The following MYO1B variants were observed in gnomAD, a reference collection of about 807,000 sequenced individuals.
MYO1B encodes unconventional myosin-Ib.
MYO1B carries 72 observed loss-of-function variants against 159.7 expected under a neutral mutation model. The ratio of observed to expected loss-of-function variants is 0.45; its 90% CI spans 0.37 to 0.55. The LOEUF is 0.55. MYO1B is among the 20% of genes least tolerant of loss of function. MYO1B has a pLI of 0.00. For synonymous variants in MYO1B, 468 were observed against 473.8 expected (o/e 0.99, Z 0.16); for missense variants, 1,062 against 1,364.8 (o/e 0.78, Z 3.50).
At chr2:191,260,254 C>CTTGTTTTTTTTTTTTTTTTTTTTTTT (rs1686718325) in intron 1 of MYO1B, among the ~76,000 whole-genome samples, 1 of 60,962 alleles carries the variant, frequency 1.6e-5, no homozygotes, top group Non-Finnish European at 4.0e-5. Context: ...CCCAGATAGG[C>CTTGTTTTTTTTTTTTTTTTTTTTTTT]TTTTTTTTTT....
chr2:191,278,710 T>C (rs1298636804), intron 2 of MYO1B, among the ~76,000 whole-genome samples: 2 of 152,270 alleles, frequency 1.3e-5, no homozygotes, highest in Non-Finnish European at 2.9e-5. Context: ...TGGCATTGTT[T>C]GGCTTGGCAG....
chr2:191,307,356 G>C lies in MYO1B; in HGVS notation c.251+11130G>C, dbSNP rs139484102. The stretch of plus-strand genomic sequence containing the variant: ...CATTATAATTAGTGTATAATGAGCA[G>C]TGAGGGTGACCAGAGGGCAGCTTCC... On this transcript the variant is annotated intron_variant, in intron 3 of 30. Transcript: ENST00000392318. 1.0e-3 allele frequency among the ~76,000 whole-genome samples: 158 copies of C among 152,264 alleles called. 1 individual carries two copies. In the East Asian group the frequency reaches 0.026, roughly 25 times the overall value.
Position 191,423,931 on chromosome 2 carries a change from A to C in MYO1B, c.3382A>C (p.Asn1128His), listed in dbSNP as rs779073944. ...GSVPTCKRKN[N>H]RLLEVAVP is the part of the protein sequence containing the mutation. ...TGTCCCAACATGTAAACGAAAAAAC[A>C]ACCGTCTCCTTGAAGTTGCTGTCCC... is the stretch of plus-strand genomic sequence containing the variant. Residue 1128 changes from asparagine to histidine, a missense_variant, in exon 31 of 31, where the codon AAC becomes CAC. By Grantham distance (68) the Asn-to-His change is moderately conservative. Coordinates refer to ENST00000392318, the MANE Select transcript of MYO1B (RefSeq NM_001130158.3). The C allele has an allele frequency of 5.0e-6, 8 of 1,613,996 alleles. No homozygotes were observed. The South Asian group carries it at 6.6e-5, about 13-fold the overall frequency.
At chr2:191,423,244 C>T (rs1030803368) in intron 30 of MYO1B, among the ~76,000 whole-genome samples, 6 of 152,138 alleles carry the variant, frequency 3.9e-5, no homozygotes, top group African/African-American at 1.4e-4. Context: ...TATAGTATAG[C>T]CAACTGTTTA....
chr2:191,404,777 A>G (rs1183739552), intron 24 of MYO1B, among the ~76,000 whole-genome samples: 1 of 152,226 alleles, frequency 6.6e-6, no homozygotes, highest in African/African-American at 2.4e-5. Context: ...CATACTTTAC[A>G]AATACTTCAT....
intron 24 of MYO1B, among the ~76,000 whole-genome samples, chr2:191,406,784 G>T (rs566445426): frequency 6.6e-6 from 1 of 152,310 alleles, no homozygotes; most frequent in East Asian, 1.9e-4. Context: ...TTTGATGCAG[G>T]GTTGCCACAA....
chr2:191,406,858 GA>G (rs1293560722), intron 24 of MYO1B, among the ~76,000 whole-genome samples: 1 of 152,172 alleles, frequency 6.6e-6, no homozygotes, highest in Non-Finnish European at 1.5e-5. Context: ...CCTGTAAAAA[GA>G]AAAACTGCCT....
chr2:191,253,599 G>A (rs1205635163), intron 1 of MYO1B, among the ~76,000 whole-genome samples: 2 of 151,596 alleles, frequency 1.3e-5, no homozygotes. Context: ...AATATTTGAA[G>A]CACAATGAAA....
rs961771571 is a variant in MYO1B at position 191,423,891 on chromosome 2, C to A, written c.3342C>A (p.Asn1114Lys). ...TATGTGTGAAGTTTATTCAGGGAAA[C>A]CAGAAAAATGGGAGTGTCCCAACAT... ...DKVCVKFIQG[N>K]QKNGSVPTCK... The change falls in exon 31 of 31, where the codon AAC becomes AAA. Residue 1114 changes from asparagine to lysine, a missense_variant. Asn to Lys is a moderately conservative substitution (Grantham distance 94, BLOSUM62 0). This residue lies in a region of MYO1B where 609 missense variants were observed against 744.4 expected (regional missense o/e 0.82). Coordinates refer to ENST00000392318, the MANE Select transcript of MYO1B (RefSeq NM_001130158.3). The A allele has an allele frequency of 6.2e-7, 1 of 1,613,908 alleles. No individual in the cohort carries two copies. The highest frequency in any genetic ancestry group is 8.5e-7 in the Non-Finnish European group (1 of 1,179,880).
At chr2:191,397,296 A>G (rs1696175667) in intron 21 of MYO1B, among the ~76,000 whole-genome samples, 1 of 148,128 alleles carries the variant, frequency 6.8e-6, no homozygotes, top group Non-Finnish European at 1.5e-5. Flanking sequence ...CAGATAAACA[A>G]GTGAACAAAG....
intron 4 of MYO1B, among the ~76,000 whole-genome samples, chr2:191,332,123 C>T (rs781055430): frequency 1.2e-4 from 18 of 152,182 alleles, no homozygotes; most frequent in Admixed American, 1.0e-3. Flanking sequence ...CCACCACGCC[C>T]GGCTAATTTT....
intron 3 of MYO1B, among the ~76,000 whole-genome samples, chr2:191,311,144 A>T (rs1689979647): frequency 6.6e-6 from 1 of 152,232 alleles, no homozygotes; most frequent in African/African-American, 2.4e-5. Flanking sequence ...ATCCTCAGTT[A>T]CAGTAGGAAC....
In MYO1B at chr2:191,418,890, C is replaced by G. The variant is rs138256320; in HGVS notation, c.3287+2648C>G. Among the ~76,000 whole-genome samples, 663 of 152,298 alleles carry G rather than the reference C, an allele frequency of 4.4e-3. 3 individuals are homozygous for G. The highest frequency in any genetic ancestry group is 0.015 in the African/African-American group (617 of 41,564). On this transcript the variant is annotated intron_variant, in intron 30 of 30. Coordinates refer to ENST00000392318, the MANE Select transcript of MYO1B (RefSeq NM_001130158.3). ...CTAGTCCTTAAACTTCTAAGCTGTT[C>G]AATGTGTAACTAGATTGCATTTTAA...
At position 191,269,153 on chromosome 2, in the gene MYO1B, C is replaced by T. The variant is rs1040707278; in HGVS notation, c.-9-7734C>T. Among the ~76,000 whole-genome samples the T allele has an allele frequency of 1.6e-4, 25 of 152,232 alleles. 1 individual carries two copies. Among genetic ancestry groups the T allele is most frequent in the Middle Eastern group, 6.8e-3 (2 of 294 alleles). ...CTAAAACTGTAGCCGTTAAATAGCACCTCCTCATTACTCTCTCCTCCCAGC... is the reference window on the plus strand; with the variant it reads ...CTAAAACTGTAGCCGTTAAATAGCATCTCCTCATTACTCTCTCCTCCCAGC... On this transcript the variant is annotated intron_variant, in intron 1 of 30. Coordinates refer to ENST00000392318, the MANE Select transcript of MYO1B (RefSeq NM_001130158.3).
chr2:191,383,473 T>TATATATATATATATACACAC (rs1170563038), intron 15 of MYO1B, 131 bp downstream of exon 15: 59 of 119,816 alleles, frequency 4.9e-4, no homozygotes, highest in African/African-American at 2.1e-3. Flanking sequence ...TATATATATA[T>TATATATATATATATACACAC]ACACACACAC....
At chr2:191,357,917 G>T (rs184872585) in intron 7 of MYO1B, among the ~76,000 whole-genome samples, 1 of 152,300 alleles carries the variant, frequency 6.6e-6, no homozygotes, top group East Asian at 1.9e-4. Context: ...CTGGAAGCTT[G>T]TGACTTATGA....
Position 191,413,253 on chromosome 2 carries a change from A to G in MYO1B, c.2874-795A>G, listed in dbSNP as rs375876613. ...TAATACACCTAACCTACTGAACACA[A>G]TCACTTAGCCTAGCCTACCTTAAAC... On this transcript the variant is annotated intron_variant, in intron 27 of 30. Transcript: ENST00000392318. 2.2e-4 allele frequency among the ~76,000 whole-genome samples: 33 copies of G among 152,334 alleles called. No individual in the cohort carries two copies. The East Asian group carries it at 5.2e-3, about 24-fold the overall frequency.
At chr2:191,339,712 T>G (rs984116076) in intron 4 of MYO1B, among the ~76,000 whole-genome samples, 5 of 152,192 alleles carry the variant, frequency 3.3e-5, no homozygotes, top group Admixed American at 2.0e-4. Context: ...ATGAGATTGT[T>G]TACTTCCCCC....
At chr2:191,318,831 T>C (rs1690521000) in intron 3 of MYO1B, among the ~76,000 whole-genome samples, 1 of 152,212 alleles carries the variant, frequency 6.6e-6, no homozygotes, top group Non-Finnish European at 1.5e-5. Flanking sequence ...GATGGAAGCA[T>C]GCAAGAGTTG....
Sources: gnomAD v4.1 joint callset for allele counts (sites outside exome capture counted in the v4.1 genomes callset) on GRCh38, gnomAD v4.1.1 for gene constraint, gnomAD v4.1.1 regional missense constraint, MANE v1.5 for transcripts, NCBI Gene and HGNC (gene_info 2026-07-23, HGNC 2026-07-21) for gene names.